The following RPS6KA5 variants were observed in gnomAD, a reference collection of about 807,000 sequenced individuals.
The protein encoded by RPS6KA5 is ribosomal protein S6 kinase A5.
RPS6KA5 carries 27 observed loss-of-function variants against 85.5 expected under a neutral mutation model. The ratio of observed to expected loss-of-function variants is 0.32; its 90% CI spans 0.23 to 0.44. The LOEUF is 0.44. RPS6KA5 is among the 20% of genes least tolerant of loss of function. The probability of loss-of-function intolerance (pLI) is 1.00; values close to 1 mark genes in which losing one functional copy is unlikely to be tolerated. For missense variants in RPS6KA5, 811 were observed against 980.9 expected (o/e 0.83, Z 2.31); for synonymous variants, 334 against 348.2 (o/e 0.96, Z 0.46).
At chr14:90,974,259 G>C (rs2039463734) in intron 3 of RPS6KA5, among the ~76,000 whole-genome samples, 1 of 152,114 alleles carries the variant, frequency 6.6e-6, no homozygotes, top group African/African-American at 2.4e-5. Context: ...AAACGTTTAA[G>C]TTTAACCTAT....
At chr14:90,981,782 T>G (rs1000392312) in intron 2 of RPS6KA5, among the ~76,000 whole-genome samples, 2 of 152,268 alleles carry the variant, frequency 1.3e-5, no homozygotes, top group Non-Finnish European at 2.9e-5. Flanking sequence ...GGATGCTTAT[T>G]ACCAACATTC....
intron 3 of RPS6KA5, among the ~76,000 whole-genome samples, chr14:90,963,768 G>A (rs2038923928): frequency 6.6e-6 from 1 of 152,206 alleles, no homozygotes; most frequent in African/African-American, 2.4e-5. Flanking sequence ...GACTTGCCTA[G>A]GATCCTGCAG....
chr14:91,001,400 ATAAAT>A (rs1347605552), intron 1 of RPS6KA5, among the ~76,000 whole-genome samples: 6 of 152,236 alleles, frequency 3.9e-5, no homozygotes, highest in South Asian at 4.1e-4. Context: ...AAATATTAAC[ATAAAT>A]TAAAGTGTTT....
intron 2 of RPS6KA5, among the ~76,000 whole-genome samples, chr14:90,987,026 C>G (rs1387538902): frequency 6.6e-6 from 1 of 152,196 alleles, no homozygotes; most frequent in Non-Finnish European, 1.5e-5. Context: ...TGTATTTACA[C>G]TAGAGAGACA....
rs1250607600 is a variant in RPS6KA5 at position 90,872,130 on chromosome 14, G to C, written c.2353C>G (p.Pro785Ala). ...GTCTCCGGGTTATTGCTGTCGGCAG[G>C]ATTGCTGGGCTGCAGTGTCTTGGTG... ...TPTKTLQPSN[P>A]ADSNNPETLF... is the part of the protein sequence containing the mutation. The change falls in exon 17 of 17, where the codon CCT becomes GCT. Residue 785 changes from proline to alanine, a missense_variant. This residue lies in a region of RPS6KA5 where 650 missense variants were observed against 793.4 expected (regional missense o/e 0.82). Coordinates refer to ENST00000614987, the MANE Select transcript of RPS6KA5 (RefSeq NM_004755.4). 6.2e-7 allele frequency: 1 copy of C among 1,613,942 alleles called. No homozygotes were observed. The highest frequency in any genetic ancestry group is 2.2e-5 in the East Asian group (1 of 44,870).
chr14:90,955,743 G>A (rs1196964985), intron 3 of RPS6KA5, among the ~76,000 whole-genome samples: 1 of 152,126 alleles, frequency 6.6e-6, no homozygotes, highest in East Asian at 1.9e-4. Context: ...TGTCTATTAT[G>A]CCTAGGTGGT....
At chr14:91,012,117 T>C (rs2041285376) in intron 1 of RPS6KA5, among the ~76,000 whole-genome samples, 1 of 152,140 alleles carries the variant, frequency 6.6e-6, no homozygotes, top group African/African-American at 2.4e-5. Context: ...CATCAGTTCA[T>C]CAATTAAAAC....
intron 8 of RPS6KA5, among the ~76,000 whole-genome samples, chr14:90,903,833 A>AT (rs554217860): frequency 1.1e-3 from 160 of 152,358 alleles, no homozygotes; most frequent in Non-Finnish European, 2.0e-3. Flanking sequence ...AGTATTAATC[A>AT]TAAGAATATA....
chr14:90,956,915 A>G (rs1184308573), intron 3 of RPS6KA5, among the ~76,000 whole-genome samples: 1 of 151,530 alleles, frequency 6.6e-6, no homozygotes, highest in Non-Finnish European at 1.5e-5. Flanking sequence ...AGAAGGGGAA[A>G]TACATACTTG....
At chr14:91,001,821 T>G (rs2040808582) in intron 1 of RPS6KA5, among the ~76,000 whole-genome samples, 2 of 152,190 alleles carry the variant, frequency 1.3e-5, no homozygotes, top group African/African-American at 4.8e-5. Flanking sequence ...CCATAACATA[T>G]TCCATTGAAT....
intron 3 of RPS6KA5, among the ~76,000 whole-genome samples, chr14:90,959,411 G>A (rs1004210274): frequency 6.6e-6 from 1 of 152,162 alleles, no homozygotes; most frequent in Admixed American, 6.5e-5. Flanking sequence ...GGTAGAAGTA[G>A]GGAGATCACT....
intron 2 of RPS6KA5, among the ~76,000 whole-genome samples, chr14:90,983,241 C>T (rs1416839450): frequency 1.3e-5 from 2 of 148,302 alleles, no homozygotes; most frequent in African/African-American, 5.0e-5. Flanking sequence ...CGCGCCATTT[C>T]ACTCCAGCCT....
At chr14:91,012,246 G>A (rs1238934796) in intron 1 of RPS6KA5, among the ~76,000 whole-genome samples, 4 of 152,106 alleles carry the variant, frequency 2.6e-5, no homozygotes, top group Non-Finnish European at 4.4e-5. Flanking sequence ...CACTTTCTCC[G>A]TTCCAACACT....
At chr14:90,959,132 C>G (rs1443358189) in intron 3 of RPS6KA5, among the ~76,000 whole-genome samples, 3 of 151,942 alleles carry the variant, frequency 2.0e-5, no homozygotes, top group Non-Finnish European at 4.4e-5. Flanking sequence ...GTCGAGGTCA[C>G]AGAAGTAACT....
chr14:90,886,309 A>C (rs890667122), intron 14 of RPS6KA5, among the ~76,000 whole-genome samples: 1 of 152,230 alleles, frequency 6.6e-6, no homozygotes, highest in Admixed American at 6.5e-5. Context: ...AGAATAAAAC[A>C]CTTTAAACAA....
chr14:91,036,502 C>T (rs868020902), intron 1 of RPS6KA5, among the ~76,000 whole-genome samples: 8 of 152,096 alleles, frequency 5.3e-5, no homozygotes, highest in Admixed American at 2.0e-4. Flanking sequence ...GATCCATGCA[C>T]ACAAATAACA....
rs2032428082 is a variant in RPS6KA5 at position 90,859,316 on chromosome 14, A to G, written c.*12758T>C. On this transcript the variant is annotated 3_prime_UTR_variant, in exon 17 of 17. Coordinates refer to ENST00000614987, the MANE Select transcript of RPS6KA5 (RefSeq NM_004755.4). ...CCCTACAGTATTTAACACACAATGT[A>G]TGACATTTCACCAAACTTATAAGGC... is the stretch of plus-strand genomic sequence containing the variant. The G allele has an allele frequency of 6.6e-6, 1 of 152,240 alleles. No homozygotes were observed. Among genetic ancestry groups the G allele is most frequent in the Non-Finnish European group, 1.5e-5 (1 of 68,046 alleles). The allele number at this position is 152,240 out of a possible 1,614,324, so 9.4% of individuals were successfully genotyped here.
chr14:90,921,524 TC>T (rs2036399628), intron 6 of RPS6KA5, among the ~76,000 whole-genome samples: 1 of 152,234 alleles, frequency 6.6e-6, no homozygotes, highest in South Asian at 2.1e-4. Context: ...CCTACCAAAT[TC>T]CCCAACAGCT....
chr14:91,032,310 T>C (rs1030208485), intron 1 of RPS6KA5, among the ~76,000 whole-genome samples: 29 of 152,350 alleles, frequency 1.9e-4, no homozygotes, highest in African/African-American at 7.0e-4. Context: ...AGAAAGAGTC[T>C]AGATTCTTAG....
Sources: gnomAD v4.1 joint callset for allele counts (sites outside exome capture counted in the v4.1 genomes callset) on GRCh38, gnomAD v4.1.1 for gene constraint, gnomAD v4.1.1 regional missense constraint, MANE v1.5 for transcripts, NCBI Gene and HGNC (gene_info 2026-07-23, HGNC 2026-07-21) for gene names.